ZBTB20: variants seen among roughly 807,000 people sequenced by gnomAD.
ZBTB20 encodes the protein zinc finger and BTB domain-containing protein 20.
Under a neutral mutation model 56.9 loss-of-function variants are expected in ZBTB20, and 9 were observed. That is an observed-to-expected ratio of 0.16 (90% CI 0.10 to 0.28). ZBTB20 has a LOEUF of 0.28. ZBTB20 is among the 10% of genes least tolerant of loss of function. The pLI, the probability that ZBTB20 is intolerant of heterozygous loss-of-function variation, is 1.00. For synonymous variants in ZBTB20, 417 were observed against 420.7 expected (o/e 0.99, Z 0.11); for missense variants, 655 against 1,003.0 (o/e 0.65, Z 4.69).
At chr3:115,111,005 AAAAT>A (rs148918475) in intron 1 of ZBTB20, among the ~76,000 whole-genome samples, 78,615 of 144,566 alleles carry the variant, frequency 0.54, 21,757 homozygotes, top group East Asian at 0.67. Context: ...AATAAAAATA[AAAAT>A]AAATAAATAA....
intron 3 of ZBTB20, among the ~76,000 whole-genome samples, chr3:114,944,980 G>T (rs114006156): frequency 0.017 from 2,513 of 145,590 alleles, 576 homozygotes; most frequent in African/African-American, 0.066. Flanking sequence ...TACTTTAAAT[G>T]TTCTTACCAT....
intron 4 of ZBTB20, among the ~76,000 whole-genome samples, chr3:114,826,983 C>T (rs1353593156): frequency 6.6e-6 from 1 of 151,614 alleles, no homozygotes; most frequent in Non-Finnish European, 1.5e-5. Context: ...GAGCAAGCTA[C>T]TTAACATTTA....
intron 2 of ZBTB20, among the ~76,000 whole-genome samples, chr3:115,056,563 GAAT>G (rs2081792156): frequency 6.6e-6 from 1 of 152,052 alleles, no homozygotes; most frequent in African/African-American, 2.4e-5. Context: ...TTAGCTTATA[GAAT>G]AATATGTATT....
chr3:114,732,928 C>T (rs1412393079), intron 5 of ZBTB20, among the ~76,000 whole-genome samples: 1 of 152,116 alleles, frequency 6.6e-6, no homozygotes, highest in African/African-American at 2.4e-5. Context: ...GCCAGTCAGA[C>T]ATGAGCATAT....
intron 6 of ZBTB20, among the ~76,000 whole-genome samples, chr3:114,678,679 G>T (rs2061783183): frequency 6.6e-6 from 1 of 152,098 alleles, no homozygotes; most frequent in Admixed American, 6.5e-5. Flanking sequence ...TCATTAAATG[G>T]TTCGAGTACG....
intron 5 of ZBTB20, among the ~76,000 whole-genome samples, chr3:114,782,090 A>G (rs1336514881): frequency 6.6e-6 from 1 of 152,242 alleles, no homozygotes; most frequent in Non-Finnish European, 1.5e-5. Context: ...GAAAGCACTC[A>G]CTGAGGAAAG....
intron 2 of ZBTB20, among the ~76,000 whole-genome samples, chr3:114,988,067 A>T (rs1576496483): frequency 7.1e-6 from 1 of 140,312 alleles, no homozygotes; most frequent in Non-Finnish European, 1.6e-5. Flanking sequence ...TTTTTTTCAC[A>T]TTGCAAGTGA....
In ZBTB20 at chr3:114,697,745, G is replaced by A. The variant is rs147137561; in HGVS notation, c.-342-4170C>T. ...GAACACTAAAAAGAAAGGAGCAGGA[G>A]AGGGAGGGAGGAAAAAGAGAAAGGG... is the stretch of plus-strand genomic sequence containing the variant. On this transcript the variant is annotated intron_variant, in intron 5 of 11. Coordinates refer to ENST00000675478, the MANE Select transcript of ZBTB20 (RefSeq NM_001348800.3). Among the ~76,000 whole-genome samples, 841 of 152,038 alleles carry A rather than the reference G, an allele frequency of 5.5e-3. 4 individuals carry two copies. The highest frequency in any genetic ancestry group is 0.014 in the Admixed American group (215 of 15,226).
rs2084120242 is a variant in ZBTB20 at position 115,119,516 on chromosome 3, T to TTA, written c.-703+27701_-703+27702dup. ...TTCACAAAACCCTGTATAATATATC[T>TTA]TATAGATGAGAAATGTGAGATCCAA... On this transcript the variant is annotated intron_variant, in intron 1 of 11. Transcript: ENST00000675478. Among the ~76,000 whole-genome samples the TTA allele has an allele frequency of 2.6e-5, 4 of 152,220 alleles. No individual in the cohort carries two copies. The South Asian group carries it at 8.3e-4, about 32-fold the overall frequency.
intron 3 of ZBTB20, among the ~76,000 whole-genome samples, chr3:114,968,997 T>C (rs1233192836): frequency 6.6e-6 from 1 of 152,166 alleles, no homozygotes; most frequent in African/African-American, 2.4e-5. Context: ...AAGATAATTT[T>C]CTCCACCGTA....
intron 6 of ZBTB20, among the ~76,000 whole-genome samples, chr3:114,654,220 C>T (rs990950959): frequency 6.6e-6 from 1 of 151,786 alleles, no homozygotes; most frequent in African/African-American, 2.4e-5. Flanking sequence ...CTTTCTTCTT[C>T]CTTCTAATTT....
intron 3 of ZBTB20, among the ~76,000 whole-genome samples, chr3:114,958,574 G>A (rs918477194): frequency 2.0e-5 from 3 of 152,034 alleles, no homozygotes; most frequent in Non-Finnish European, 4.4e-5. Context: ...TGGGCTGGGC[G>A]CAGTGGCTGA....
At chr3:114,883,081 G>A (rs1204877780) in intron 4 of ZBTB20, among the ~76,000 whole-genome samples, 1 of 152,088 alleles carries the variant, frequency 6.6e-6, no homozygotes, top group African/African-American at 2.4e-5. Flanking sequence ...TAATCTGTAA[G>A]TTACCTTATA....
At chr3:114,539,053 G>A (rs2718415) in intron 6 of ZBTB20, among the ~76,000 whole-genome samples, 17,400 of 151,942 alleles carry the variant, frequency 0.11, 2,695 homozygotes, top group African/African-American at 0.36. Flanking sequence ...TTTTATTAGC[G>A]TTTTAAATTT....
chr3:115,122,542 G>A (rs2084212474), intron 1 of ZBTB20, among the ~76,000 whole-genome samples: 2 of 150,900 alleles, frequency 1.3e-5, no homozygotes, highest in South Asian at 2.1e-4. Context: ...ATATCTCTGA[G>A]GAGATCCTTG....
At position 114,948,796 on chromosome 3, in the gene ZBTB20, T is replaced by C. The variant is rs1302748179; in HGVS notation, c.-456+25570A>G. On this transcript the variant is annotated intron_variant, in intron 3 of 11. Coordinates refer to ENST00000675478, the MANE Select transcript of ZBTB20 (RefSeq NM_001348800.3). ...TATGCAAGTCCACTGTGCAGAAAAC[T>C]ATAAAATATTACTGATTAAAGAAGA... is the stretch of plus-strand genomic sequence containing the variant. Among the ~76,000 whole-genome samples, 4 of 146,358 alleles carry C rather than the reference T, an allele frequency of 2.7e-5. 1 individual carries two copies. Among genetic ancestry groups the C allele is most frequent in the African/African-American group, 5.5e-5 (2 of 36,102 alleles).
At chr3:114,634,272 T>C (rs1206909703) in intron 6 of ZBTB20, among the ~76,000 whole-genome samples, 3 of 152,112 alleles carry the variant, frequency 2.0e-5, no homozygotes, top group Non-Finnish European at 4.4e-5. Flanking sequence ...TAAAACAAAA[T>C]AGACATTCTT....
intron 6 of ZBTB20, among the ~76,000 whole-genome samples, chr3:114,564,151 T>G (rs892811550): frequency 6.6e-6 from 1 of 152,144 alleles, no homozygotes; most frequent in Non-Finnish European, 1.5e-5. Flanking sequence ...TCTGCTTCCA[T>G]CACCACATCT....
chr3:114,563,918 G>A (rs181911192), intron 6 of ZBTB20, among the ~76,000 whole-genome samples: 3 of 152,234 alleles, frequency 2.0e-5, no homozygotes, highest in Admixed American at 6.5e-5. Context: ...GTTTCCTATC[G>A]CTGCTGTAAC....
Sources: gnomAD v4.1 joint callset for allele counts (sites outside exome capture counted in the v4.1 genomes callset) on GRCh38, gnomAD v4.1.1 for gene constraint, MANE v1.5 for transcripts, NCBI Gene and HGNC (gene_info 2026-07-23, HGNC 2026-07-21) for gene names.